The following CADM1 variants were observed in gnomAD, a reference collection of about 807,000 sequenced individuals.
CADM1 encodes TSLC-1.
CADM1 carries 15 observed loss-of-function variants against 53.1 expected under a neutral mutation model. That is an observed-to-expected ratio of 0.28 (90% confidence interval 0.19 to 0.44). The LOEUF (loss-of-function observed/expected upper bound fraction) is 0.44. Among genes scored for constraint, CADM1 ranks in the 20% least tolerant of loss-of-function variants. The pLI is 1.00. For missense variants in CADM1, 434 were observed against 611.3 expected (o/e 0.71, Z 3.06); for synonymous variants, 281 against 243.0 (o/e 1.16, Z -1.45).
chr11:115,374,489 T>C (rs1946389214), intron 1 of CADM1, among the ~76,000 whole-genome samples: 1 of 152,178 alleles, frequency 6.6e-6, no homozygotes, highest in South Asian at 2.1e-4. Flanking sequence ...AGTTTCTCTT[T>C]ATGAAGGAAT....
intron 1 of CADM1, among the ~76,000 whole-genome samples, chr11:115,246,550 T>G (rs542656833): frequency 6.6e-6 from 1 of 152,324 alleles, no homozygotes; most frequent in East Asian, 1.9e-4. Flanking sequence ...TCTCTCACTT[T>G]AGGCCCAGGG....
chr11:115,472,044 G>A (rs1949024903), intron 1 of CADM1, among the ~76,000 whole-genome samples: 1 of 152,174 alleles, frequency 6.6e-6, no homozygotes, highest in South Asian at 2.1e-4. Context: ...AGCAGAAATT[G>A]ACTACAGATT....
chr11:115,199,229 T>C (rs888335188), intron 8 of CADM1, among the ~76,000 whole-genome samples: 10 of 152,294 alleles, frequency 6.6e-5, no homozygotes, highest in Admixed American at 3.3e-4. Flanking sequence ...CTTCTAATCA[T>C]ATGACATTCC....
At chr11:115,249,486 C>T (rs932204966) in intron 1 of CADM1, among the ~76,000 whole-genome samples, 6 of 152,188 alleles carry the variant, frequency 3.9e-5, no homozygotes, top group Non-Finnish European at 7.3e-5. Flanking sequence ...TAATAGGAAG[C>T]GACTGATTTA....
intron 5 of CADM1, among the ~76,000 whole-genome samples, chr11:115,223,522 A>G (rs984887661): frequency 6.6e-6 from 1 of 152,166 alleles, no homozygotes. Flanking sequence ...TTTTACAAAT[A>G]CATTAAGGTC....
At chr11:115,440,162 T>C (rs1272118961) in intron 1 of CADM1, among the ~76,000 whole-genome samples, 1 of 152,266 alleles carries the variant, frequency 6.6e-6, no homozygotes, top group East Asian at 1.9e-4. Flanking sequence ...TTAGTTGGCA[T>C]AATCATCTTT....
In CADM1 at chr11:115,256,450, T is replaced by TG. The variant is rs557114229; in HGVS notation, c.125-16031dup. On this transcript the variant is annotated intron_variant, in intron 1 of 11. Coordinates refer to ENST00000331581, the MANE Select transcript of CADM1 (RefSeq NM_001301043.2). ...ATGGATCAGCCTGGACTGCTGGCCC[T>TG]GTTCTCAGTCACTGGAGTCAGCGTG... Among the ~76,000 whole-genome samples the TG allele has an allele frequency of 4.6e-5, 7 of 152,326 alleles. No individual in the cohort carries two copies. In the East Asian group the frequency reaches 1.4e-3, roughly 29 times the overall value.
chr11:115,173,740 G>A lies in CADM1; in HGVS notation c.*2734C>T. 6.3e-6 allele frequency: 6 copies of A among 951,376 alleles called. No homozygotes were observed. The highest frequency in any genetic ancestry group is 7.5e-6 in the Non-Finnish European group (6 of 799,868). The allele number at this position is 951,376 out of a possible 1,614,324, so 58.9% of individuals were successfully genotyped here. On this transcript the variant is annotated 3_prime_UTR_variant, in exon 12 of 12. Coordinates refer to ENST00000331581, the MANE Select transcript of CADM1 (RefSeq NM_001301043.2). ...CATGAACCAATACAAAATGCGAATGGGAACATATGGATATGGAGTTTCTTA... is the reference window on the plus strand; with the variant it reads ...CATGAACCAATACAAAATGCGAATGAGAACATATGGATATGGAGTTTCTTA...
At chr11:115,304,730 C>A (rs979751115) in intron 1 of CADM1, among the ~76,000 whole-genome samples, 1 of 151,810 alleles carries the variant, frequency 6.6e-6, no homozygotes, top group African/African-American at 2.4e-5. Flanking sequence ...CTGTTACATA[C>A]GCTTATAAAT....
chr11:115,474,581 A>G (rs1949087545), intron 1 of CADM1, among the ~76,000 whole-genome samples: 1 of 151,572 alleles, frequency 6.6e-6, no homozygotes, highest in Non-Finnish European at 1.5e-5. Context: ...CATCATTCTC[A>G]GCAAACTATC....
At chr11:115,339,189 T>C (rs1945355040) in intron 1 of CADM1, among the ~76,000 whole-genome samples, 1 of 151,822 alleles carries the variant, frequency 6.6e-6, no homozygotes, top group South Asian at 2.1e-4. Context: ...AATGATGGTT[T>C]CCAATTTCAT....
In CADM1 at chr11:115,433,195, T is replaced by A. The variant is rs116366144; in HGVS notation, c.124+71076A>T. On this transcript the variant is annotated intron_variant, in intron 1 of 11. Coordinates refer to ENST00000331581, the MANE Select transcript of CADM1 (RefSeq NM_001301043.2). ...CTGATTGCTGTACAGTGACTTTTCT[T>A]CTTCTTCTTCTACAAAGCCATGCAG... Among the ~76,000 whole-genome samples the A allele has an allele frequency of 5.0e-3, 769 of 152,298 alleles. 5 individuals are homozygous for A. Among genetic ancestry groups the A allele is most frequent in the African/African-American group, 0.018 (738 of 41,568 alleles).
At chr11:115,324,177 T>C (rs1320683950) in intron 1 of CADM1, among the ~76,000 whole-genome samples, 4 of 152,198 alleles carry the variant, frequency 2.6e-5, no homozygotes, top group African/African-American at 9.6e-5. Context: ...TGCTAATGAA[T>C]GAAAATAATT....
At chr11:115,418,191 G>A (rs1002125493) in intron 1 of CADM1, among the ~76,000 whole-genome samples, 3 of 152,128 alleles carry the variant, frequency 2.0e-5, no homozygotes, top group Non-Finnish European at 2.9e-5. Context: ...AAAGTCACTT[G>A]TGGCTCAATG....
intron 1 of CADM1, among the ~76,000 whole-genome samples, chr11:115,295,518 AT>A (rs1339682850): frequency 6.7e-4 from 44 of 65,574 alleles, no homozygotes; most frequent in African/African-American, 5.0e-3. Context: ...ATATATATAT[AT>A]ATATATATAT....
At chr11:115,227,343 C>T (rs1319771847) in intron 5 of CADM1, among the ~76,000 whole-genome samples, 3 of 152,048 alleles carry the variant, frequency 2.0e-5, no homozygotes, top group Admixed American at 2.0e-4. Flanking sequence ...GGAGGTGTAG[C>T]GCTTGAAATA....
Position 115,172,253 on chromosome 11 carries a change from A to G in CADM1, c.*4221T>C, listed in dbSNP as rs1465539895. On this transcript the variant is annotated 3_prime_UTR_variant, in exon 12 of 12. Transcript: ENST00000331581. Reference sequence around the variant, plus strand: ...GGGTCTTTTTATAGAGATGCAATGAATGAGTACTCCCTACTGCTCCTTGCC... The same window carrying G: ...GGGTCTTTTTATAGAGATGCAATGAGTGAGTACTCCCTACTGCTCCTTGCC... The G allele has an allele frequency of 2.6e-5, 4 of 152,256 alleles. No individual in the cohort carries two copies. The highest frequency in any genetic ancestry group is 9.6e-5 in the African/African-American group (4 of 41,458). 9.4% of individuals were successfully genotyped at this position (152,256 alleles called of 1,614,324 possible).
At chr11:115,205,993 T>C (rs1472726232) in intron 8 of CADM1, among the ~76,000 whole-genome samples, 3 of 152,194 alleles carry the variant, frequency 2.0e-5, no homozygotes, top group Non-Finnish European at 4.4e-5. Context: ...TGGAAATCCA[T>C]CTGAGACACC....
At chr11:115,480,756 C>G (rs1949239749) in intron 1 of CADM1, among the ~76,000 whole-genome samples, 1 of 152,176 alleles carries the variant, frequency 6.6e-6, no homozygotes, top group African/African-American at 2.4e-5. Flanking sequence ...ACAGCTCCAT[C>G]TCACCATCAA....
Sources: allele counts gnomAD v4.1 joint callset (sites outside exome capture counted in the v4.1 genomes callset), GRCh38; gene constraint gnomAD v4.1.1; transcripts MANE v1.5; gene names NCBI Gene and HGNC (gene_info 2026-07-23, HGNC 2026-07-21).